Variants in ERO1B observed in about 807,000 individuals in gnomAD.
ERO1B encodes the protein endoplasmic reticulum oxidoreductase 1 beta.
Under a neutral mutation model 75.3 loss-of-function variants are expected in ERO1B, and 49 were observed. The observed-to-expected ratio is 0.65, with a 90% confidence interval of 0.52 to 0.83. ERO1B has a LOEUF of 0.83. Among genes scored for constraint, ERO1B ranks in the 40% least tolerant of loss-of-function variants. The pLI, the probability that ERO1B is intolerant of heterozygous loss-of-function variation, is 0.00. For missense variants in ERO1B, 512 were observed against 560.1 expected (o/e 0.91, Z 0.87); for synonymous variants, 191 against 192.9 (o/e 0.99, Z 0.08).
At chr1:236,221,358 T>C (rs991705494) in intron 14 of ERO1B, among the ~76,000 whole-genome samples, 27 of 118,068 alleles carry the variant, frequency 2.3e-4, no homozygotes, top group African/African-American at 7.9e-4. Context: ...ATTAGCACTA[T>C]AGAAAAAGAC....
chr1:236,235,682 CAAATT>C (rs1300118367), intron 8 of ERO1B, 102 bp downstream of exon 8: 10 of 981,990 alleles, frequency 1.0e-5, no homozygotes, highest in African/African-American at 1.7e-5. Flanking sequence ...GTTCATCATT[CAAATT>C]AAACAAAATA....
intron 2 of ERO1B, among the ~76,000 whole-genome samples, chr1:236,258,510 A>C (rs1459142801): frequency 6.6e-6 from 1 of 152,240 alleles, no homozygotes; most frequent in Non-Finnish European, 1.5e-5. Context: ...AAGGAAATTT[A>C]TCACCACTAG....
rs950579916 is a variant in ERO1B at position 236,216,454 on chromosome 1, T to TA, written c.*2061dup. Reference sequence around the variant, plus strand: ...GCTGCCCCTACAATCTAATTTATGATAAAATAAGATGAATTTCAGCCTAAG... The same window carrying TA: ...GCTGCCCCTACAATCTAATTTATGATAAAAATAAGATGAATTTCAGCCTAAG... On this transcript the variant is annotated 3_prime_UTR_variant, in exon 16 of 16. Transcript: ENST00000354619. The TA allele has an allele frequency of 1.1e-4, 17 of 152,138 alleles. No individual in the cohort carries two copies. The highest frequency in any genetic ancestry group is 2.1e-4 in the Non-Finnish European group (14 of 67,972). 9.4% of individuals were successfully genotyped at this position (152,138 alleles called of 1,614,324 possible).
chr1:236,232,631 A>G (rs1451665061), intron 9 of ERO1B, among the ~76,000 whole-genome samples, 197 bp downstream of exon 9: 1 of 135,672 alleles, frequency 7.4e-6, no homozygotes, highest in African/African-American at 2.7e-5. Flanking sequence ...TTTAGGAAAA[A>G]TGGTCTTTTT....
intron 15 of ERO1B, chr1:236,220,468 A>C (rs1233879821): frequency 6.5e-6 from 1 of 154,926 alleles, no homozygotes; most frequent in Admixed American, 6.5e-5. Context: ...TGAAAATTTA[A>C]GAAAAATAAG....
intron 3 of ERO1B, among the ~76,000 whole-genome samples, chr1:236,252,577 G>A (rs1665055460): frequency 6.6e-6 from 1 of 152,160 alleles, no homozygotes; most frequent in South Asian, 2.1e-4. Context: ...ATCTAATCTA[G>A]GGTTTACCAA....
chr1:236,230,283 A>T (rs773176480), intron 9 of ERO1B, 33 bp from the exon 10 acceptor site: 9 of 1,537,094 alleles, frequency 5.9e-6, no homozygotes, highest in Non-Finnish European at 8.1e-6. Flanking sequence ...TTAAAACATT[A>T]TATGGTCATT....
At chr1:236,262,597 G>A (rs189377386) in intron 2 of ERO1B, among the ~76,000 whole-genome samples, 7 of 152,072 alleles carry the variant, frequency 4.6e-5, no homozygotes, top group Admixed American at 1.3e-4. Flanking sequence ...TAGAGATGGG[G>A]TTTCACCATG....
rs990791614 is a variant in ERO1B at position 236,216,074 on chromosome 1, A to G, written c.*2442T>C. 11 of 152,182 alleles carry G rather than the reference A, an allele frequency of 7.2e-5. No homozygotes were observed. Among genetic ancestry groups the G allele is most frequent in the Non-Finnish European group, 1.2e-4 (8 of 68,016 alleles). 9.4% of individuals were successfully genotyped at this position (152,182 alleles called of 1,614,324 possible). ...CAGGAGAAACATTCAAAGTTTACCA[A>G]TTTTAATATATAGTTTGTCTAACTT... On this transcript the variant is annotated 3_prime_UTR_variant, in exon 16 of 16. Transcript: ENST00000354619.
rs1196556414 is a variant in ERO1B at position 236,216,082 on chromosome 1, A to G, written c.*2434T>C. 6.6e-6 allele frequency: 1 copy of G among 152,200 alleles called. No individual in the cohort carries two copies. The highest frequency in any genetic ancestry group is 1.9e-4 in the East Asian group (1 of 5,204). The allele number at this position is 152,200 out of a possible 1,614,324, so 9.4% of individuals were successfully genotyped here. ...ACATTCAAAGTTTACCAATTTTAAT[A>G]TATAGTTTGTCTAACTTACATAGAT... On this transcript the variant is annotated 3_prime_UTR_variant, in exon 16 of 16. Transcript: ENST00000354619.
intron 14 of ERO1B, among the ~76,000 whole-genome samples, chr1:236,221,239 C>A (rs1239658019): frequency 6.6e-6 from 1 of 152,058 alleles, no homozygotes; most frequent in Non-Finnish European, 1.5e-5. Context: ...CTTGAAAATA[C>A]CATATTAGGA....
Position 236,268,810 on chromosome 1 carries a change from T to C in ERO1B, c.222+1065A>G, listed in dbSNP as rs573700716. Among the ~76,000 whole-genome samples the C allele has an allele frequency of 1.8e-3, 279 of 151,470 alleles. 1 individual carries two copies. Among genetic ancestry groups the C allele is most frequent in the Non-Finnish European group, 3.2e-3 (214 of 67,772 alleles). ...CTGAGGCAGGAGAATGGTGTGAACCTGGGAAGTAGAGCTTGCAGTGAGCCG... is the reference window on the plus strand; with the variant it reads ...CTGAGGCAGGAGAATGGTGTGAACCCGGGAAGTAGAGCTTGCAGTGAGCCG... On this transcript the variant is annotated intron_variant, in intron 2 of 15. Coordinates refer to ENST00000354619, the MANE Select transcript of ERO1B (RefSeq NM_019891.4).
At chr1:236,238,573 G>GA (rs1478041490) in intron 6 of ERO1B, among the ~76,000 whole-genome samples, 2 of 136,674 alleles carry the variant, frequency 1.5e-5, no homozygotes, top group Non-Finnish European at 1.6e-5. Flanking sequence ...TTTTAGGAAA[G>GA]AAAAAAAATC....
chr1:236,250,108 A>G, intron 4 of ERO1B, 141 bp from the exon 5 acceptor site: 1 of 472,546 alleles, frequency 2.1e-6, no homozygotes, highest in Middle Eastern at 5.0e-4. Flanking sequence ...ATCATATGTA[A>G]GAAATACAAA....
In ERO1B at chr1:236,217,366, ATCACAGAAAGTCCT is replaced by A. The variant is rs1664017482; in HGVS notation, c.*1136_*1149del. 1 of 44,286 alleles carries A rather than the reference ATCACAGAAAGTCCT, an allele frequency of 2.3e-5. No homozygotes were observed. The highest frequency in any genetic ancestry group is 9.4e-5 in the African/African-American group (1 of 10,640). The allele number at this position is 44,286 out of a possible 1,614,324, so 2.7% of individuals were successfully genotyped here. A position where few individuals can be genotyped will look rare whatever the true frequency, so the allele number is the denominator to read the frequency against. ...TGACAGTTTAGGACTGTTGGTATGA[ATCACAGAAAGTCCT>A]CTGTTGGTATGAATCACAGAAAGTA... is the stretch of plus-strand genomic sequence containing the variant. On this transcript the variant is annotated 3_prime_UTR_variant, in exon 16 of 16. Coordinates refer to ENST00000354619, the MANE Select transcript of ERO1B (RefSeq NM_019891.4).
In ERO1B at chr1:236,260,126, T is replaced by A. The variant is rs2695069; in HGVS notation, c.223-6621A>T. Among the ~76,000 whole-genome samples the A allele has an allele frequency of 2.0e-5, 3 of 151,572 alleles. No individual in the cohort carries two copies. The East Asian group carries it at 5.8e-4, about 29-fold the overall frequency. ...ACAAATAGACAAACCTTTAGCTAGATTAACAAAGAAAAAGAGAAGATGCCA... is the reference window on the plus strand; with the variant it reads ...ACAAATAGACAAACCTTTAGCTAGAATAACAAAGAAAAAGAGAAGATGCCA... On this transcript the variant is annotated intron_variant, in intron 2 of 15. Transcript: ENST00000354619.
chr1:236,279,503 T>TAAAAAAAAAAA (rs1665776393), intron 1 of ERO1B, among the ~76,000 whole-genome samples: 2 of 2,150 alleles, frequency 9.3e-4, no homozygotes, highest in Admixed American at 4.5e-3. Context: ...AGACTCCATC[T>TAAAAAAAAAAA]CAAAAAAAAA....
At chr1:236,275,901 C>T (rs1383754054) in intron 1 of ERO1B, among the ~76,000 whole-genome samples, 1 of 152,110 alleles carries the variant, frequency 6.6e-6, no homozygotes, top group African/African-American at 2.4e-5. Context: ...CAAAGGGTGA[C>T]AGGAATTTGG....
intron 4 of ERO1B, 98 bp downstream of exon 4, chr1:236,251,952 T>C: frequency 8.1e-6 from 7 of 867,760 alleles, no homozygotes; most frequent in Non-Finnish European, 1.3e-5. Context: ...CATTCCCAAC[T>C]AACCATAATA....
Sources: allele counts gnomAD v4.1 joint callset (sites outside exome capture counted in the v4.1 genomes callset), GRCh38; gene constraint gnomAD v4.1.1; transcripts MANE v1.5; gene names NCBI Gene and HGNC (gene_info 2026-07-23, HGNC 2026-07-21).